NOTCH3: variants seen among roughly 807,000 people sequenced by gnomAD.
NOTCH3 encodes notch receptor 3, also known as neurogenic locus notch homolog protein 3.
A neutral mutation model predicts 213.3 loss-of-function variants in NOTCH3; 86 were observed. That is an observed-to-expected ratio of 0.40 (90% CI 0.34 to 0.48). The LOEUF (loss-of-function observed/expected upper bound fraction) is 0.48. Ranked by LOEUF, NOTCH3 falls within the 20% of genes least tolerant of loss-of-function variation. The probability of loss-of-function intolerance (pLI) is 0.57; values close to 1 mark genes in which losing one functional copy is unlikely to be tolerated. For missense variants in NOTCH3, 2,783 were observed against 3,272.6 expected (o/e 0.85, Z 3.65); for synonymous variants, 1,354 against 1,355.9 (o/e 1.00, Z 0.03).
At chr19:15,182,773 G>A (rs982088705) in intron 16 of NOTCH3, among the ~76,000 whole-genome samples, 7 of 152,108 alleles carry the variant, frequency 4.6e-5, no homozygotes, top group African/African-American at 1.4e-4. Context: ...CTCCTGAGTA[G>A]CTGAGATTAC....
At chr19:15,176,984 A>G (rs2046795792) in intron 24 of NOTCH3, among the ~76,000 whole-genome samples, 1 of 151,000 alleles carries the variant, frequency 6.6e-6, no homozygotes, top group Non-Finnish European at 1.5e-5. Context: ...AGGCAGGAGA[A>G]TCGCTTGAAC....
Position 15,180,987 on chromosome 19 carries a change from C to CG in NOTCH3, c.2967dup (p.Glu990ArgfsTer45). ...TGGCACTGCGGGCCCGTGAAGCTCT[C>CG]GAGGCAGGTGCAGCGGAAGCCAGGG... On this transcript the variant is annotated frameshift_variant, in exon 18 of 33. Coordinates refer to ENST00000263388, the MANE Select transcript of NOTCH3 (RefSeq NM_000435.3). LOFTEE classifies it high-confidence loss of function. 6.3e-7 allele frequency: 1 copy of CG among 1,596,538 alleles called. No individual in the cohort carries two copies. The highest frequency in any genetic ancestry group is 8.5e-7 in the Non-Finnish European group (1 of 1,172,490).
At chr19:15,189,838 A>G (rs2046914195) in intron 6 of NOTCH3, among the ~76,000 whole-genome samples, 1 of 152,144 alleles carries the variant, frequency 6.6e-6, no homozygotes, top group African/African-American at 2.4e-5. Flanking sequence ...TATTAAACCT[A>G]AACAGTATTT....
intron 8 of NOTCH3, 58 bp from the exon 9 acceptor site, chr19:15,188,406 G>T: frequency 8.9e-7 from 1 of 1,125,442 alleles, no homozygotes; most frequent in Non-Finnish European, 1.3e-6. Flanking sequence ...TGAACGGGGT[G>T]CAAGGAAGGA....
In NOTCH3 at chr19:15,177,688, C is replaced by T. The variant is rs1393495970; in HGVS notation, c.4240G>A (p.Gly1414Ser). 2 of 1,540,692 alleles carry T rather than the reference C, an allele frequency of 1.3e-6. No individual in the cohort carries two copies. The highest frequency in any genetic ancestry group is 1.4e-5 in the African/African-American group (1 of 73,238). ...ECNSPGCGWD[G>S]GDCSLSVGDP... ...CCCACGCTCAGCGAGCAGTCGCCGC[C>T]GTCCCAGCCGCAGCCTGGGCTGTTG... Residue 1414 changes from glycine to serine, a missense_variant, in exon 24 of 33, where the codon GGC (glycine) becomes AGC (serine). Gly to Ser is a moderately conservative substitution (Grantham distance 56, BLOSUM62 0). Around this residue, in one of 6 missense-constraint regions of NOTCH3, gnomAD observed 133 missense variants for 201.9 expected, o/e 0.66. Coordinates refer to ENST00000263388, the MANE Select transcript of NOTCH3 (RefSeq NM_000435.3).
intron 28 of NOTCH3, 28 bp downstream of exon 28, chr19:15,170,058 G>C: frequency 7.2e-7 from 1 of 1,384,752 alleles, no homozygotes; most frequent in Admixed American, 1.9e-5. Context: ...GTCAGAGGAG[G>C]GGGCAAAGGT....
At chr19:15,168,867 C>T (rs1490225648) in intron 28 of NOTCH3, among the ~76,000 whole-genome samples, 2 of 151,960 alleles carry the variant, frequency 1.3e-5, no homozygotes, top group Non-Finnish European at 2.9e-5. Context: ...AGAAATCATA[C>T]ACTAAAACCC....
chr19:15,173,063 T>TTCCTCTTCCTCTTCC lies in NOTCH3; in HGVS notation c.4736+1004_4736+1005insGGAAGAGGAAGAGGA, dbSNP rs1568351234. 3.1e-3 allele frequency among the ~76,000 whole-genome samples: 6 copies of TTCCTCTTCCTCTTCC among 1,946 alleles called. 1 individual carries two copies. The highest frequency in any genetic ancestry group is 0.018 in the African/African-American group (4 of 222). The allele number at this position is 1,946 out of a possible 152,430, so 1.3% of individuals were successfully genotyped here. Reference sequence around the variant, plus strand: ...TCCCCCTCCCTCCTCCCTCTTCTTCTTCTTCTTCTTCTTCTTCTTCTTCTT... The same window carrying TTCCTCTTCCTCTTCC: ...TCCCCCTCCCTCCTCCCTCTTCTTCTTCCTCTTCCTCTTCCTCTTCTTCTTCTTCTTCTTCTTCTT... On this transcript the variant is annotated intron_variant, in intron 25 of 32. Transcript: ENST00000263388.
At position 15,159,900 on chromosome 19, in the gene NOTCH3, C is replaced by T. The variant is rs536013392; in HGVS notation, c.*762G>A. The T allele has an allele frequency of 1.3e-5, 3 of 233,780 alleles. No individual in the cohort carries two copies. The highest frequency in any genetic ancestry group is 6.6e-5 in the African/African-American group (3 of 45,490). The allele number at this position is 233,780 out of a possible 1,614,324, so 14.5% of individuals were successfully genotyped here. A position where few individuals can be genotyped will look rare whatever the true frequency, so the allele number is the denominator to read the frequency against. On this transcript the variant is annotated 3_prime_UTR_variant, in exon 33 of 33. Transcript: ENST00000263388. ...CCTGGCTCCCATTTCCCACCAGCAG[C>T]CCCCTAGTTCCCAAAGGGAGATGGC...
rs1599383352 is a variant in NOTCH3, at chr19:15,181,578, G to T, written c.2790C>A (p.Pro930=). The T allele has an allele frequency of 1.3e-6, 2 of 1,550,184 alleles. No homozygotes were observed. The highest frequency in any genetic ancestry group is 1.4e-5 in the African/African-American group (1 of 73,180). The change falls in exon 17 of 33, where the codon CCC becomes CCA. Residue 930 remains proline, a splice_region_variant and synonymous_variant. Coordinates refer to ENST00000263388, the MANE Select transcript of NOTCH3 (RefSeq NM_000435.3). ...HCEQDLPDCS[P]SSCFNGGTCV... is the part of the protein sequence containing the mutation. ...CTCCAAGCAGAGGCCCCGCCCACCTGGGGCTGCAGTCGGGCAGGTCCTGTT... is the reference window on the plus strand; with the variant it reads ...CTCCAAGCAGAGGCCCCGCCCACCTTGGGCTGCAGTCGGGCAGGTCCTGTT...
At position 15,179,247 on chromosome 19, in the gene NOTCH3, G is replaced by A. The variant is rs770044132; in HGVS notation, c.3496C>T (p.Pro1166Ser). The change falls in exon 22 of 33, where the codon CCA (proline) becomes TCA (serine). Residue 1166 changes from proline to serine, a missense_variant. Physicochemically the swap from Pro to Ser is moderately conservative, Grantham distance 74 (BLOSUM62 -1). Transcript: ENST00000263388. ...GGCCCTGAGTCCAGCGGTGGGCCTGGGCCGCAGTCATCCTCATTAATCTCG... is the reference window on the plus strand; with the variant it reads ...GGCCCTGAGTCCAGCGGTGGGCCTGAGCCGCAGTCATCCTCATTAATCTCG... ...LCEINEDDCGPGPPLDSGPRC... is the reference protein window; with the variant it reads ...LCEINEDDCGSGPPLDSGPRC... The A allele has an allele frequency of 2.5e-5, 40 of 1,613,850 alleles. 1 individual carries two copies. The East Asian group carries it at 8.7e-4, about 35-fold the overall frequency.
At chr19:15,175,305 T>G (rs147362789) in intron 24 of NOTCH3, among the ~76,000 whole-genome samples, 23,351 of 138,584 alleles carry the variant, frequency 0.17, 3,207 homozygotes, top group African/African-American at 0.37. Flanking sequence ...GGCCAAGGTG[T>G]ACGGATAACC....
intron 24 of NOTCH3, among the ~76,000 whole-genome samples, chr19:15,175,548 A>ATAC (rs1328121945): frequency 5.1e-5 from 3 of 58,914 alleles, no homozygotes; most frequent in African/African-American, 1.8e-4. Context: ...AAAAAAAAAA[A>ATAC]AAAAATACAT....
Position 15,165,767 on chromosome 19 carries a change from A to G in NOTCH3, c.5667+20T>C, listed in dbSNP as rs753972473. The G allele has an allele frequency of 6.2e-7, 1 of 1,608,660 alleles. No homozygotes were observed. The highest frequency in any genetic ancestry group is 8.5e-7 in the Non-Finnish European group (1 of 1,179,832). On this transcript the variant is annotated intron_variant, in intron 30 of 32. Coordinates refer to ENST00000263388, the MANE Select transcript of NOTCH3 (RefSeq NM_000435.3). This position sits in a 1 kb window ranked among gnomAD's most constrained non-coding sequence, Gnocchi z 4.7. Reference sequence around the variant, plus strand: ...AATGCCTGCCCCAGCTCTGAGGTCCAAAGTGTGTGCCTATCTCACCTGGAA... The same window carrying G: ...AATGCCTGCCCCAGCTCTGAGGTCCGAAGTGTGTGCCTATCTCACCTGGAA...
intron 29 of NOTCH3, 40 bp downstream of exon 29, chr19:15,167,209 G>T (rs753744263): frequency 2.5e-6 from 4 of 1,596,246 alleles, no homozygotes; most frequent in Non-Finnish European, 3.4e-6. Context: ...CAGGTAGGAT[G>T]GGTGAGGGGC....
At chr19:15,190,383 C>T (rs2046917836) in intron 6 of NOTCH3, among the ~76,000 whole-genome samples, 1 of 152,246 alleles carries the variant, frequency 6.6e-6, no homozygotes, top group Admixed American at 6.5e-5. Flanking sequence ...GTAATACCCT[C>T]TGCCATGTAT....
chr19:15,161,273 C>A lies in NOTCH3; in HGVS notation c.6355G>T (p.Gly2119Cys). 1 of 1,539,594 alleles carries A rather than the reference C, an allele frequency of 6.5e-7. No homozygotes were observed. Residue 2119 changes from glycine to cysteine, a missense_variant, in exon 33 of 33, where the codon GGT becomes TGT. By Grantham distance (159) the Gly-to-Cys change is radical. Around this residue, in one of 6 missense-constraint regions of NOTCH3, gnomAD observed 441 missense variants for 432.1 expected, o/e 1.02. Coordinates refer to ENST00000263388, the MANE Select transcript of NOTCH3 (RefSeq NM_000435.3). ...TAGGGCCCCTCAAGGGGGAAGCCAC[C>A]AGGGGAAGCAGGGGGCCCACCGAAA... ...RPFGGPPASPGGFPLEGPYAA... is the reference protein window; with the variant it reads ...RPFGGPPASPCGFPLEGPYAA...
chr19:15,186,975 T>C lies in NOTCH3; in HGVS notation c.1854A>G (p.Glu618=), dbSNP rs150438748. ...CPSGTTGVNC[E]VNIDDCASNP... Reference sequence around the variant, plus strand: ...TGCTGGCACAGTCGTCAATGTTCACTTCGCAGTTCACACCTAGGGGCCAGG... The same window carrying C: ...TGCTGGCACAGTCGTCAATGTTCACCTCGCAGTTCACACCTAGGGGCCAGG... Residue 618 remains glutamate, a synonymous_variant, in exon 12 of 33, where the codon GAA becomes GAG. Transcript: ENST00000263388. 4.0e-5 allele frequency: 65 copies of C among 1,614,184 alleles called. No homozygotes were observed. The highest frequency in any genetic ancestry group is 3.5e-4 in the Admixed American group (21 of 60,022).
chr19:15,187,133 G>A lies in NOTCH3; in HGVS notation c.1812C>T (p.Tyr604=). The A allele has an allele frequency of 6.2e-7, 1 of 1,614,144 alleles. No individual in the cohort carries two copies. ...TGGTCCCAGAAGGGCAGCGGCAGAG[G>A]TACTTGTCCACCAGGTCTAGGCATT... ...GGKCLDLVDK[Y]LCRCPSGTTG... is the part of the protein sequence containing the mutation. The change falls in exon 11 of 33, where the codon TAC becomes TAT. Residue 604 remains tyrosine (Y), a synonymous_variant. Transcript: ENST00000263388.
Sources: allele counts gnomAD v4.1 joint callset (sites outside exome capture counted in the v4.1 genomes callset), GRCh38; gene constraint gnomAD v4.1.1; regional missense constraint gnomAD v4.1.1; non-coding constraint Gnocchi (gnomAD v3.1); transcripts MANE v1.5; gene names NCBI Gene and HGNC (gene_info 2026-07-23, HGNC 2026-07-21).